The following DHRSX variants were observed in gnomAD, a reference collection of about 807,000 sequenced individuals.
DHRSX encodes polyprenol dehydrogenase.
A neutral mutation model predicts 34.0 loss-of-function variants in DHRSX; 31 were observed. The ratio of observed to expected loss-of-function variants is 0.91; its 90% confidence interval spans 0.69 to 1.23. DHRSX has a LOEUF of 1.23. Among genes scored for constraint, DHRSX ranks in the 50% most tolerant of loss-of-function variants. The pLI, the probability that DHRSX is intolerant of heterozygous loss-of-function variation, is 0.00. For synonymous variants in DHRSX, 201 were observed against 183.8 expected (o/e 1.09, Z -0.76); for missense variants, 414 against 428.1 (o/e 0.97, Z 0.29).
At chrX:2,464,201 G>GACC (rs1317947560) in intron 1 of DHRSX, among the ~76,000 whole-genome samples, 2 of 84,796 alleles carry the variant, frequency 2.4e-5, no homozygotes, top group African/African-American at 2.8e-4. Context: ...GTGGCTAAGG[G>GACC]ACCGCCGTGT....
intron 1 of DHRSX, among the ~76,000 whole-genome samples, chrX:2,453,043 G>A (rs1407996321): frequency 9.9e-5 from 15 of 152,188 alleles, no homozygotes; most frequent in Admixed American, 9.2e-4. Flanking sequence ...ATGGAGCCAT[G>A]AAAAAGGAAA....
chrX:2,307,469 AAAAC>A (rs2042112106), intron 3 of DHRSX, among the ~76,000 whole-genome samples: 1 of 152,112 alleles, frequency 6.6e-6, no homozygotes, highest in Non-Finnish European at 1.5e-5. Flanking sequence ...TTTTTAAAAG[AAAAC>A]AAACAAGGCC....
chrX:2,288,902 A>G (rs2041836091), intron 4 of DHRSX, among the ~76,000 whole-genome samples: 1 of 152,180 alleles, frequency 6.6e-6, no homozygotes, highest in South Asian at 2.1e-4. Flanking sequence ...ATCTGTTGAG[A>G]AAAGGAACAG....
At chrX:2,428,332 G>A (rs1260412307) in intron 1 of DHRSX, among the ~76,000 whole-genome samples, 1 of 152,102 alleles carries the variant, frequency 6.6e-6, no homozygotes, top group Admixed American at 6.6e-5. Context: ...TATGTTTATT[G>A]CAGCACTGTT....
chrX:2,368,854 A>C (rs1256571977), intron 3 of DHRSX, among the ~76,000 whole-genome samples: 1 of 152,162 alleles, frequency 6.6e-6, no homozygotes, highest in African/African-American at 2.4e-5. Context: ...TGTCTCAAAA[A>C]AATAAATAAC....
At chrX:2,469,366 A>T (rs924680544) in intron 1 of DHRSX, among the ~76,000 whole-genome samples, 12 of 151,754 alleles carry the variant, frequency 7.9e-5, no homozygotes, top group African/African-American at 2.7e-4. Flanking sequence ...AAATGCAGCC[A>T]AGGGACCGCC....
At chrX:2,317,677 TGTGA>T (rs1464172746) in intron 3 of DHRSX, among the ~76,000 whole-genome samples, 1 of 152,108 alleles carries the variant, frequency 6.6e-6, no homozygotes, top group Non-Finnish European at 1.5e-5. Context: ...ATTACATTCT[TGTGA>T]GTCTTTGATT....
rs1196596678 is a variant in DHRSX, at chrX:2,221,092, C to G, written c.942G>C (p.Gln314His). Residue 314 changes from glutamine (Q) to histidine (H), a missense_variant, in exon 7 of 7, where the codon CAG becomes CAC. Coordinates refer to ENST00000334651, the MANE Select transcript of DHRSX (RefSeq NM_145177.3). ...TCATCTCACAACTCTTAGACCACAG[C>G]TGCTGCTGCAGTTTCTGGTTGTAGG... ...HVTYNQKLQQ[Q>H]LWSKSCEMTG... The G allele has an allele frequency of 6.2e-7, 1 of 1,613,948 alleles. No homozygotes were observed. Among genetic ancestry groups the G allele is most frequent in the Non-Finnish European group, 8.5e-7 (1 of 1,179,860 alleles).
intron 1 of DHRSX, among the ~76,000 whole-genome samples, chrX:2,460,375 C>G (rs752668924): frequency 6.6e-6 from 1 of 152,102 alleles, no homozygotes; most frequent in Non-Finnish European, 1.5e-5. Flanking sequence ...AGAAATGGAA[C>G]GTTCTGGGGG....
At chrX:2,244,535 T>C (rs1160870569) in intron 5 of DHRSX, among the ~76,000 whole-genome samples, 2 of 152,152 alleles carry the variant, frequency 1.3e-5, no homozygotes, top group Non-Finnish European at 2.9e-5. Flanking sequence ...GGCCTCATAG[T>C]TCTTTTCAAT....
intron 3 of DHRSX, among the ~76,000 whole-genome samples, chrX:2,345,758 A>C (rs1293972468): frequency 6.6e-6 from 1 of 152,062 alleles, no homozygotes; most frequent in East Asian, 1.9e-4. Context: ...GTCTGACTAG[A>C]ACAGAAGACT....
At chrX:2,373,610 C>T (rs1421003569) in intron 3 of DHRSX, among the ~76,000 whole-genome samples, 1 of 152,048 alleles carries the variant, frequency 6.6e-6, no homozygotes, top group Non-Finnish European at 1.5e-5. Context: ...ACCGAGTCAC[C>T]CTGGAGTTAT....
chrX:2,425,157 C>T lies in DHRSX; in HGVS notation c.217+40G>A, dbSNP rs374357149. On this transcript the variant is annotated intron_variant, in intron 2 of 6. Coordinates refer to ENST00000334651, the MANE Select transcript of DHRSX (RefSeq NM_145177.3). ...TCCTGTCTCAGAAAAAAAAAAAAACCGAAAAAACAAAAAACACAAGTAACT... is the reference window on the plus strand; with the variant it reads ...TCCTGTCTCAGAAAAAAAAAAAAACTGAAAAAACAAAAAACACAAGTAACT... 8.4e-5 allele frequency: 125 copies of T among 1,488,026 alleles called. No individual in the cohort carries two copies. In the African/African-American group the frequency reaches 1.5e-3, roughly 18 times the overall value. 92.2% of individuals were successfully genotyped at this position (1,488,026 alleles called of 1,614,324 possible).
At chrX:2,497,434 TCTAC>T in intron 1 of DHRSX, among the ~76,000 whole-genome samples, 1 of 152,246 alleles carries the variant, frequency 6.6e-6, no homozygotes, top group South Asian at 2.1e-4. Flanking sequence ...TGTTTTTACT[TCTAC>T]CTGATTTCTA....
intron 1 of DHRSX, among the ~76,000 whole-genome samples, chrX:2,439,828 G>A (rs1168611241): frequency 2.0e-5 from 3 of 152,098 alleles, no homozygotes; most frequent in African/African-American, 7.2e-5. Flanking sequence ...GAGGTAATAT[G>A]AGCTATGGGG....
chrX:2,223,279 C>T (rs1238653372), intron 6 of DHRSX, among the ~76,000 whole-genome samples: 5 of 152,082 alleles, frequency 3.3e-5, no homozygotes, highest in East Asian at 3.9e-4. Flanking sequence ...TATAAAAGGC[C>T]GCTCCCCTGC....
intron 3 of DHRSX, among the ~76,000 whole-genome samples, chrX:2,319,734 GTA>G (rs1252180543): frequency 6.6e-6 from 1 of 151,920 alleles, no homozygotes; most frequent in African/African-American, 2.4e-5. Context: ...TACACTACCA[GTA>G]TTTAACTTTT....
chrX:2,287,178 C>T lies in DHRSX; in HGVS notation c.388+4324G>A, dbSNP rs1416234581. On this transcript the variant is annotated intron_variant, in intron 4 of 6. Transcript: ENST00000334651. Reference sequence around the variant, plus strand: ...TGAAGGGCAGAGTAGGTAGGTATGGCAGGTTAAATAATGCACAACTCAAGA... The same window carrying T: ...TGAAGGGCAGAGTAGGTAGGTATGGTAGGTTAAATAATGCACAACTCAAGA... 5.3e-5 allele frequency among the ~76,000 whole-genome samples: 8 copies of T among 152,310 alleles called. No homozygotes were observed. In the East Asian group the frequency reaches 1.3e-3, roughly 26 times the overall value.
intron 3 of DHRSX, among the ~76,000 whole-genome samples, chrX:2,358,936 G>A (rs1052657145): frequency 9.5e-5 from 14 of 146,878 alleles, no homozygotes; most frequent in African/African-American, 3.5e-4. Context: ...GCGACAGAGT[G>A]AGACTCTGTC....
Sources: gnomAD v4.1 joint callset for allele counts (sites outside exome capture counted in the v4.1 genomes callset) on GRCh38, gnomAD v4.1.1 for gene constraint, MANE v1.5 for transcripts, NCBI Gene and HGNC (gene_info 2026-07-23, HGNC 2026-07-21) for gene names.